Variants in CACNA1C observed in about 807,000 individuals in gnomAD.
The protein encoded by CACNA1C is voltage-dependent L-type calcium channel subunit alpha-1C.
In CACNA1C, 30 loss-of-function variants were observed where a neutral mutation model predicts 229.0. The observed-to-expected ratio is 0.13, with a 90% CI of 0.10 to 0.18. The LOEUF (loss-of-function observed/expected upper bound fraction) is 0.18. Among genes scored for constraint, CACNA1C ranks in the 10% least tolerant of loss-of-function variants. The pLI is 1.00. For missense variants in CACNA1C, 1,658 were observed against 2,845.0 expected (o/e 0.58, Z 9.49); for synonymous variants, 1,114 against 1,132.5 (o/e 0.98, Z 0.33).
At chr12:2,353,430 T>C (rs1269169852) in intron 3 of CACNA1C, among the ~76,000 whole-genome samples, 1 of 152,230 alleles carries the variant, frequency 6.6e-6, no homozygotes, top group Admixed American at 6.5e-5. Context: ...CTTGGAAGAC[T>C]GTCCTAACAG....
At chr12:2,617,506 CCA>C (rs1375780573) in intron 29 of CACNA1C, among the ~76,000 whole-genome samples, 1 of 152,210 alleles carries the variant, frequency 6.6e-6, no homozygotes, top group African/African-American at 2.4e-5. Flanking sequence ...CTTGGACTTT[CCA>C]CACTCAGGGG....
At chr12:2,158,052 TAGAC>T (rs2095641864) in intron 3 of CACNA1C, among the ~76,000 whole-genome samples, 1 of 152,030 alleles carries the variant, frequency 6.6e-6, no homozygotes, top group African/African-American at 2.4e-5. Flanking sequence ...ATATGACCAT[TAGAC>T]AGTCCAGGAA....
Position 2,600,305 on chromosome 12 carries a change from C to G in CACNA1C, c.2854-1549C>G, listed in dbSNP as rs143660888. ...ATGTAATCTACCCACTTCTAAAAAC[C>G]ATTGCCCAACACAGGTGCCTGAGTC... On this transcript the variant is annotated intron_variant, in intron 21 of 46. Coordinates refer to ENST00000399655, the MANE Select transcript of CACNA1C (RefSeq NM_000719.7). Among the ~76,000 whole-genome samples, 445 of 152,280 alleles carry G rather than the reference C, an allele frequency of 2.9e-3. 1 individual carries two copies. The highest frequency in any genetic ancestry group is 0.01 in the African/African-American group (428 of 41,556).
intron 3 of CACNA1C, among the ~76,000 whole-genome samples, chr12:2,294,249 AC>A (rs1328187219): frequency 3.3e-5 from 5 of 152,196 alleles, no homozygotes; most frequent in African/African-American, 1.2e-4. Flanking sequence ...CATCTTAAAG[AC>A]GAGCAGGAGT....
chr12:2,541,686 G>A (rs976142157), intron 9 of CACNA1C, among the ~76,000 whole-genome samples: 2 of 152,184 alleles, frequency 1.3e-5, no homozygotes, highest in East Asian at 1.9e-4. Flanking sequence ...CTTGGATAAC[G>A]AGCTACCAGC....
intron 9 of CACNA1C, among the ~76,000 whole-genome samples, chr12:2,537,966 C>G (rs1431167664): frequency 2.0e-5 from 3 of 152,096 alleles, no homozygotes; most frequent in African/African-American, 7.2e-5. Context: ...GCCCCTGCCC[C>G]CTCCCGGCCC....
chr12:2,014,144 C>T (rs951220575), intron 1 of CACNA1C, among the ~76,000 whole-genome samples: 12 of 152,108 alleles, frequency 7.9e-5, no homozygotes, highest in South Asian at 2.1e-4. Context: ...GGGCTGGCTC[C>T]GTGGGCCTTC....
At chr12:2,447,433 T>C (rs964793344) in intron 3 of CACNA1C, among the ~76,000 whole-genome samples, 1 of 152,200 alleles carries the variant, frequency 6.6e-6, no homozygotes, top group African/African-American at 2.4e-5. Flanking sequence ...CGTGAGCTGG[T>C]GGTTCTTCCG....
At chr12:2,584,929 GA>G in intron 16 of CACNA1C, among the ~76,000 whole-genome samples, 1 of 152,324 alleles carries the variant, frequency 6.6e-6, no homozygotes, top group South Asian at 2.1e-4. Flanking sequence ...ACTCAGTTGG[GA>G]AACGCAGCTC....
In CACNA1C at chr12:2,663,452, C is replaced by T. The variant is rs966213614; in HGVS notation, c.4233-1373C>T. Among the ~76,000 whole-genome samples the T allele has an allele frequency of 8.5e-5, 13 of 152,188 alleles. No homozygotes were observed. In the South Asian group the frequency reaches 1.2e-3, roughly 15 times the overall value. On this transcript the variant is annotated intron_variant, in intron 34 of 46. Coordinates refer to ENST00000399655, the MANE Select transcript of CACNA1C (RefSeq NM_000719.7). ...CTAAAAGTAGACCTACCATTCCATC[C>T]AGCAGTCCCACTCCTGGGTATCCAC...
chr12:2,433,592 A>C lies in CACNA1C; in HGVS notation c.478-15384A>C, dbSNP rs571609816. Among the ~76,000 whole-genome samples, 4 of 152,212 alleles carry C rather than the reference A, an allele frequency of 2.6e-5. No homozygotes were observed. In the South Asian group the frequency reaches 8.3e-4, roughly 31 times the overall value. On this transcript the variant is annotated intron_variant, in intron 3 of 46. Transcript: ENST00000399655. ...AATGTGAGGATACCTCATGGCATCAAGTGCTGTTGGTCATCAAAAGGACCT... is the reference window on the plus strand; with the variant it reads ...AATGTGAGGATACCTCATGGCATCACGTGCTGTTGGTCATCAAAAGGACCT...
intron 3 of CACNA1C, among the ~76,000 whole-genome samples, chr12:2,435,970 C>T (rs983762082): frequency 2.6e-5 from 4 of 152,172 alleles, no homozygotes; most frequent in Non-Finnish European, 5.9e-5. Flanking sequence ...GCTGGGCAAG[C>T]CAAAGCACCC....
At chr12:2,207,887 C>A (rs1206163433) in intron 3 of CACNA1C, among the ~76,000 whole-genome samples, 1 of 152,042 alleles carries the variant, frequency 6.6e-6, no homozygotes, top group African/African-American at 2.4e-5. Context: ...ATCTGACTTT[C>A]GGGAAAGTCT....
intron 30 of CACNA1C, among the ~76,000 whole-genome samples, chr12:2,635,033 T>C (rs897967703): frequency 1.3e-5 from 2 of 152,194 alleles, no homozygotes; most frequent in Non-Finnish European, 2.9e-5. Flanking sequence ...GGATCAGTCA[T>C]GTCTGAACTC....
chr12:2,675,534 C>G (rs1386783146), intron 39 of CACNA1C, among the ~76,000 whole-genome samples: 1 of 152,196 alleles, frequency 6.6e-6, no homozygotes, highest in African/African-American at 2.4e-5. Context: ...GGTGAGTGAC[C>G]CACACACCCT....
At chr12:2,389,020 T>G (rs1173598061) in intron 3 of CACNA1C, among the ~76,000 whole-genome samples, 1 of 152,136 alleles carries the variant, frequency 6.6e-6, no homozygotes, top group African/African-American at 2.4e-5. Context: ...CTAGGAAGAA[T>G]GACTAGGGTA....
At chr12:2,626,681 A>G (rs943531307) in intron 29 of CACNA1C, among the ~76,000 whole-genome samples, 1 of 152,136 alleles carries the variant, frequency 6.6e-6, no homozygotes, top group Non-Finnish European at 1.5e-5. Context: ...AGTAGTGTGA[A>G]GCAGCTATTG....
intron 9 of CACNA1C, among the ~76,000 whole-genome samples, chr12:2,546,501 G>T (rs1398726499): frequency 6.6e-6 from 1 of 151,586 alleles, no homozygotes; most frequent in African/African-American, 2.4e-5. Flanking sequence ...ACACTTTTCT[G>T]TGCAGTGGCT....
chr12:2,536,895 T>G (rs189251946), intron 9 of CACNA1C, among the ~76,000 whole-genome samples: 1 of 152,256 alleles, frequency 6.6e-6, no homozygotes, highest in East Asian at 1.9e-4. Flanking sequence ...CTTCTGACTG[T>G]GATGATGTCA....
Sources: gnomAD v4.1 joint callset for allele counts (sites outside exome capture counted in the v4.1 genomes callset) on GRCh38, gnomAD v4.1.1 for gene constraint, MANE v1.5 for transcripts, NCBI Gene and HGNC (gene_info 2026-07-23, HGNC 2026-07-21) for gene names.